CHN2: variants seen among roughly 807,000 people sequenced by gnomAD.
CHN2 encodes chimerin 2, also known as beta-chimaerin.
CHN2 carries 35 observed loss-of-function variants against 56.3 expected under a neutral mutation model. The observed-to-expected ratio is 0.62, with a 90% CI of 0.47 to 0.82. CHN2 has a LOEUF of 0.82. Among genes scored for constraint, CHN2 ranks in the 40% least tolerant of loss-of-function variants. CHN2 has a pLI of 0.00. For missense variants in CHN2, 491 were observed against 580.5 expected, an observed-to-expected ratio of 0.85 and a Z score of 1.58; for synonymous variants, 210 against 212.8, an observed-to-expected ratio of 0.99 and a Z score of 0.12.
At chr7:29,411,743 A>C (rs1054006725) in intron 6 of CHN2, among the ~76,000 whole-genome samples, 1 of 152,178 alleles carries the variant, frequency 6.6e-6, no homozygotes, top group Non-Finnish European at 1.5e-5. Context: ...ATAGAGCCTG[A>C]GAATGGAGCC....
intron 2 of CHN2, among the ~76,000 whole-genome samples, chr7:29,364,157 T>A (rs1324950888): frequency 6.6e-6 from 1 of 152,248 alleles, no homozygotes; most frequent in Non-Finnish European, 1.5e-5. Context: ...TTTTTCTGGT[T>A]TCTTAAGAAG....
intron 6 of CHN2, among the ~76,000 whole-genome samples, chr7:29,401,964 C>A (rs962989397): frequency 1.3e-5 from 2 of 152,150 alleles, no homozygotes; most frequent in Non-Finnish European, 2.9e-5. Context: ...TGTGCTGAGC[C>A]CGGCTTGTCA....
chr7:29,344,063 T>A (rs1797245782), intron 1 of CHN2, among the ~76,000 whole-genome samples: 1 of 152,180 alleles, frequency 6.6e-6, no homozygotes. Context: ...AGAAGTCATG[T>A]TCCCTCCTTT....
At chr7:29,481,572 A>G (rs975839631) in intron 7 of CHN2, among the ~76,000 whole-genome samples, 1 of 152,084 alleles carries the variant, frequency 6.6e-6, no homozygotes, top group African/African-American at 2.4e-5. Flanking sequence ...ATTGCATTGC[A>G]TAGGTCCTCT....
At chr7:29,425,519 C>T (rs1423495539) in intron 6 of CHN2, among the ~76,000 whole-genome samples, 1 of 152,156 alleles carries the variant, frequency 6.6e-6, no homozygotes, top group African/African-American at 2.4e-5. Flanking sequence ...CTCCAAGAGT[C>T]CTGAGAAAAA....
At chr7:29,225,031 A>G (rs1276322828) in intron 1 of CHN2, among the ~76,000 whole-genome samples, 2 of 152,170 alleles carry the variant, frequency 1.3e-5, no homozygotes, top group African/African-American at 4.8e-5. Flanking sequence ...TGTGTTGGCA[A>G]TTTGTAGCCT....
intron 1 of CHN2, among the ~76,000 whole-genome samples, chr7:29,349,959 CGT>C (rs1562537151): frequency 1.3e-5 from 2 of 152,300 alleles, no homozygotes; most frequent in African/African-American, 4.8e-5. Context: ...TTATGCAATG[CGT>C]GTGTGTGCAC....
intron 12 of CHN2, among the ~76,000 whole-genome samples, chr7:29,511,079 AAAAT>A (rs1157502705): frequency 6.8e-6 from 1 of 147,240 alleles, no homozygotes; most frequent in East Asian, 2.0e-4. Flanking sequence ...TTCTTTGATA[AAAAT>A]AAAATGAACC....
intron 12 of CHN2, among the ~76,000 whole-genome samples, chr7:29,511,282 ATTAAT>A (rs1203312198): frequency 6.8e-6 from 1 of 146,016 alleles, no homozygotes; most frequent in African/African-American, 2.5e-5. Flanking sequence ...TCCCATTCTG[ATTAAT>A]TTACTGAATT....
At chr7:29,375,371 T>C (rs1383117844) in intron 3 of CHN2, among the ~76,000 whole-genome samples, 2 of 151,160 alleles carry the variant, frequency 1.3e-5, no homozygotes, top group African/African-American at 4.9e-5. Context: ...AATTTTTGTA[T>C]TTTTAGTAGA....
intron 1 of CHN2, among the ~76,000 whole-genome samples, chr7:29,300,254 A>G (rs141388864): frequency 0.015 from 2,213 of 152,294 alleles, 55 homozygotes; most frequent in African/African-American, 0.05. Flanking sequence ...AACCAGATGC[A>G]ATAGACCAAA....
chr7:29,433,058 G>A (rs562512279), intron 6 of CHN2, among the ~76,000 whole-genome samples: 82 of 152,318 alleles, frequency 5.4e-4, no homozygotes, highest in Middle Eastern at 3.4e-3. Flanking sequence ...GCTCTTACTG[G>A]CAGGAGTGCT....
chr7:29,396,318 A>G (rs1391507310), intron 4 of CHN2, among the ~76,000 whole-genome samples: 2 of 151,764 alleles, frequency 1.3e-5, no homozygotes, highest in Non-Finnish European at 1.5e-5. Context: ...TTTGCCGGGC[A>G]TGGTGGGGTG....
chr7:29,438,143 C>A (rs930895068), intron 6 of CHN2, among the ~76,000 whole-genome samples: 1 of 152,224 alleles, frequency 6.6e-6, no homozygotes, highest in African/African-American at 2.4e-5. Flanking sequence ...GGGTAAGACA[C>A]AGAGCAGCGT....
At chr7:29,268,324 T>C (rs1277696771) in intron 1 of CHN2, among the ~76,000 whole-genome samples, 1 of 43,846 alleles carries the variant, frequency 2.3e-5, no homozygotes, top group East Asian at 3.6e-3. Context: ...ACACACACAA[T>C]GTCCTTCAAT....
At chr7:29,237,710 A>G (rs1274367853) in intron 1 of CHN2, among the ~76,000 whole-genome samples, 1 of 152,150 alleles carries the variant, frequency 6.6e-6, no homozygotes, top group African/African-American at 2.4e-5. Context: ...ATTAGGCAAT[A>G]GAGCTGGAGG....
rs1412539650 is a variant in CHN2 at position 29,279,741 on chromosome 7, T to C, written c.50-74884T>C. Among the ~76,000 whole-genome samples, 3 of 152,102 alleles carry C rather than the reference T, an allele frequency of 2.0e-5. No individual in the cohort carries two copies. In the South Asian group the frequency reaches 6.2e-4, roughly 32 times the overall value. ...ATGTGGGCCTGGAGTGTGTGGTTCA[T>C]GGGGAGGGGAGTTGTGCAAGTTGAA... is the stretch of plus-strand genomic sequence containing the variant. On this transcript the variant is annotated intron_variant, in intron 1 of 12. Transcript: ENST00000222792.
rs554470897 is a variant in CHN2, at chr7:29,179,081, A to T, written c.274+32121A>T. Among the ~76,000 whole-genome samples, 11 of 152,236 alleles carry T rather than the reference A, an allele frequency of 7.2e-5. No individual in the cohort carries two copies. In the South Asian group the frequency reaches 2.3e-3, roughly 32 times the overall value. On this transcript the variant is annotated intron_variant, in intron 2 of 6. Coordinates refer to the CHN2 transcript ENST00000439384. ...TCTTGGTGTCAGAAAACAGGAGGTGATCCTCCAATATCATGCTGACACACT... is the reference window on the plus strand; with the variant it reads ...TCTTGGTGTCAGAAAACAGGAGGTGTTCCTCCAATATCATGCTGACACACT...
intron 1 of CHN2, among the ~76,000 whole-genome samples, chr7:29,215,731 A>C (rs184672230): frequency 1.4e-3 from 214 of 151,988 alleles, no homozygotes; most frequent in African/African-American, 4.8e-3. Context: ...GGGATGTTGC[A>C]CATAAGTGTA....
Sources: allele counts gnomAD v4.1 joint callset (sites outside exome capture counted in the v4.1 genomes callset), GRCh38; gene constraint gnomAD v4.1.1; transcripts MANE v1.5; gene names NCBI Gene and HGNC (gene_info 2026-07-23, HGNC 2026-07-21).